Variants in KCND3 observed in about 807,000 individuals in gnomAD.
KCND3 encodes the protein A-type voltage-gated potassium channel KCND3.
In KCND3, 9 loss-of-function variants were observed where a neutral mutation model predicts 51.1. The observed-to-expected ratio is 0.18, with a 90% CI of 0.11 to 0.31. KCND3 has a LOEUF of 0.31. KCND3 is among the 10% of genes least tolerant of loss of function. The pLI, the probability that KCND3 is intolerant of heterozygous loss-of-function variation, is 1.00. For synonymous variants in KCND3, 349 were observed against 368.0 expected (o/e 0.95, Z 0.59); for missense variants, 526 against 903.8 (o/e 0.58, Z 5.36).
intron 2 of KCND3, among the ~76,000 whole-genome samples, chr1:111,965,259 G>C (rs1181555293): frequency 6.6e-6 from 1 of 151,990 alleles, no homozygotes; most frequent in Admixed American, 6.6e-5. Context: ...TCCAGCTCTG[G>C]ATCAGAATGC....
At chr1:111,929,251 C>G (rs1388412221) in intron 2 of KCND3, among the ~76,000 whole-genome samples, 1 of 152,192 alleles carries the variant, frequency 6.6e-6, no homozygotes, top group Non-Finnish European at 1.5e-5. Context: ...TTCTGCCCCC[C>G]ACAACCCCCA....
At chr1:111,949,391 G>C (rs1014324645) in intron 2 of KCND3, among the ~76,000 whole-genome samples, 1 of 152,180 alleles carries the variant, frequency 6.6e-6, no homozygotes, top group Non-Finnish European at 1.5e-5. Context: ...ACCTAGGGCT[G>C]GATGCTGGCA....
At chr1:111,942,559 G>T (rs1053606341) in intron 2 of KCND3, among the ~76,000 whole-genome samples, 6 of 152,316 alleles carry the variant, frequency 3.9e-5, no homozygotes, top group African/African-American at 1.2e-4. Context: ...AGTTCCTACA[G>T]GTCTCTGAGG....
intron 2 of KCND3, among the ~76,000 whole-genome samples, chr1:111,940,836 TC>T (rs1267353789): frequency 6.6e-6 from 1 of 152,068 alleles, no homozygotes; most frequent in Non-Finnish European, 1.5e-5. Flanking sequence ...TTTTAATCTC[TC>T]CCCCTCCACC....
At chr1:111,813,699 G>A in intron 2 of KCND3, among the ~76,000 whole-genome samples, 1 of 152,226 alleles carries the variant, frequency 6.6e-6, no homozygotes, top group Non-Finnish European at 1.5e-5. Flanking sequence ...GTAGGTCAAA[G>A]GGTGCTGGAC....
intron 2 of KCND3, among the ~76,000 whole-genome samples, chr1:111,915,266 T>C (rs948450422): frequency 1.6e-4 from 25 of 151,978 alleles, no homozygotes; most frequent in African/African-American, 5.8e-4. Context: ...AACTCAATCA[T>C]ATCAATAATT....
chr1:111,806,778 A>T (rs2101562385), intron 2 of KCND3, among the ~76,000 whole-genome samples: 1 of 152,326 alleles, frequency 6.6e-6, no homozygotes, highest in East Asian at 1.9e-4. Context: ...CCTTGCCTTT[A>T]AAAAAAGTTA....
At chr1:111,883,403 C>T (rs904931452) in intron 2 of KCND3, among the ~76,000 whole-genome samples, 10 of 152,222 alleles carry the variant, frequency 6.6e-5, no homozygotes, top group South Asian at 2.1e-4. Context: ...TTATCTCACC[C>T]GTCTTCTCTT....
chr1:111,975,583 A>G (rs1422402530), intron 2 of KCND3, among the ~76,000 whole-genome samples: 1 of 152,146 alleles, frequency 6.6e-6, no homozygotes, highest in Non-Finnish European at 1.5e-5. Flanking sequence ...GGTATTTACT[A>G]TCTGGCAGCC....
At chr1:111,910,573 C>G (rs1290060274) in intron 2 of KCND3, among the ~76,000 whole-genome samples, 2 of 152,192 alleles carry the variant, frequency 1.3e-5, no homozygotes, top group Non-Finnish European at 2.9e-5. Flanking sequence ...GCAGGGCGGC[C>G]AACAACCTGT....
intron 2 of KCND3, among the ~76,000 whole-genome samples, chr1:111,865,792 C>T (rs1044120737): frequency 2.0e-5 from 3 of 152,180 alleles, no homozygotes; most frequent in Non-Finnish European, 2.9e-5. Flanking sequence ...GCAGCCTCTA[C>T]GTCCTGGATT....
chr1:111,950,215 G>GT (rs1244504465), intron 2 of KCND3, among the ~76,000 whole-genome samples: 1 of 152,164 alleles, frequency 6.6e-6, no homozygotes, highest in Admixed American at 6.5e-5. Flanking sequence ...CTGGCCAAAA[G>GT]TTTTTTAAAC....
At chr1:111,939,619 C>T (rs553837956) in intron 2 of KCND3, among the ~76,000 whole-genome samples, 66 of 152,286 alleles carry the variant, frequency 4.3e-4, no homozygotes, top group African/African-American at 1.5e-3. Flanking sequence ...TTTATCCAGT[C>T]TATCATTGAT....
At chr1:111,973,557 T>C (rs1453796318) in intron 2 of KCND3, among the ~76,000 whole-genome samples, 4 of 152,250 alleles carry the variant, frequency 2.6e-5, no homozygotes, top group African/African-American at 9.6e-5. Context: ...TCAAAGAAAA[T>C]GTGGTTTGCA....
chr1:111,938,512 A>G (rs1672326650), intron 2 of KCND3, among the ~76,000 whole-genome samples: 1 of 152,232 alleles, frequency 6.6e-6, no homozygotes, highest in African/African-American at 2.4e-5. Context: ...TCAGATGGTG[A>G]TAACTGCTAT....
intron 2 of KCND3, among the ~76,000 whole-genome samples, chr1:111,803,152 C>A (rs1057505950): frequency 6.6e-6 from 1 of 152,176 alleles, no homozygotes; most frequent in African/African-American, 2.4e-5. Context: ...CTGTTTCCTG[C>A]CCTCTAGTTC....
intron 2 of KCND3, among the ~76,000 whole-genome samples, chr1:111,861,838 G>A (rs1047738320): frequency 6.6e-6 from 1 of 152,220 alleles, no homozygotes; most frequent in African/African-American, 2.4e-5. Flanking sequence ...ACCGCCTCCA[G>A]CAGCCTCTGT....
intron 2 of KCND3, among the ~76,000 whole-genome samples, chr1:111,980,239 G>GTGTGTGTGT (rs1674874986): frequency 1.6e-5 from 1 of 63,610 alleles, no homozygotes; most frequent in East Asian, 3.6e-4. Context: ...TGTGTGTGTG[G>GTGTGTGTGT]GTTGGAGTGG....
At chr1:111,805,347 G>A (rs186276927) in intron 2 of KCND3, among the ~76,000 whole-genome samples, 8 of 152,238 alleles carry the variant, frequency 5.3e-5, no homozygotes, top group Admixed American at 2.0e-4. Context: ...GAGATCCACC[G>A]CCACAACCTG....
Sources: gnomAD v4.1 joint callset for allele counts (sites outside exome capture counted in the v4.1 genomes callset) on GRCh38, gnomAD v4.1.1 for gene constraint, MANE v1.5 for transcripts, NCBI Gene and HGNC (gene_info 2026-07-23, HGNC 2026-07-21) for gene names.